The following GNAS variants were observed in gnomAD, a reference collection of about 807,000 sequenced individuals.
GNAS encodes the protein GNAS complex locus.
In GNAS, 8 loss-of-function variants were observed where a neutral mutation model predicts 54.5. The ratio of observed to expected loss-of-function variants is 0.15; its 90% confidence interval spans 0.09 to 0.26. The LOEUF (loss-of-function observed/expected upper bound fraction) is 0.26. GNAS is among the 10% of genes least tolerant of loss of function. The pLI is 1.00. For synonymous variants in GNAS, 204 were observed against 191.4 expected (o/e 1.07, Z -0.54); for missense variants, 170 against 529.8 (o/e 0.32, Z 6.67).
At chr20:58,900,166 T>C (rs2090477208) in intron 3 of GNAS, 1 of 581,910 alleles carries the variant, frequency 1.7e-6, no homozygotes, top group African/African-American at 1.9e-5. Flanking sequence ...AGAAATGTAG[T>C]ATGACAACTA....
At position 58,849,354 on chromosome 20, in the gene GNAS, G is replaced by A. The variant is rs113406216; in HGVS notation, c.43+8468G>A. On this transcript the variant is annotated intron_variant, in intron 1 of 12. Transcript: ENST00000306090. ...TTCTGAGTCCTCCCTACTCACTCCTGGACTGTCTCCCTTTTTCCTGTCCAG... is the reference window on the plus strand; with the variant it reads ...TTCTGAGTCCTCCCTACTCACTCCTAGACTGTCTCCCTTTTTCCTGTCCAG... 2.4e-3 allele frequency among the ~76,000 whole-genome samples: 366 copies of A among 152,164 alleles called. 1 individual carries two copies. Among genetic ancestry groups the A allele is most frequent in the African/African-American group, 8.2e-3 (339 of 41,506 alleles).
At chr20:58,850,069 C>T (rs1034809786) in intron 1 of GNAS, among the ~76,000 whole-genome samples, 1 of 152,200 alleles carries the variant, frequency 6.6e-6, no homozygotes, top group Non-Finnish European at 1.5e-5. Context: ...TACCCAGCCA[C>T]GCCCCATGTT....
At chr20:58,855,687 C>T (rs55850843) in intron 1 of GNAS, 14,246 of 676,354 alleles carry the variant, frequency 0.021, 238 homozygotes, top group Admixed American at 0.023. Flanking sequence ...GGCCCCGGGA[C>T]TCCCCTGGCT....
Position 58,903,584 on chromosome 20 carries a change from A to C in GNAS, c.311A>C (p.Glu104Ala), listed in dbSNP as rs773368433. 6.2e-7 allele frequency: 1 copy of C among 1,614,142 alleles called. No individual in the cohort carries two copies. The highest frequency in any genetic ancestry group is 1.1e-5 in the South Asian group (1 of 91,084). The change falls in exon 4 of 13, where the codon GAA becomes GCA. Residue 104 changes from glutamate (E) to alanine (A), a missense_variant and splice_region_variant. By Grantham distance (107) the Glu-to-Ala change is moderately radical (BLOSUM62 -1). Coordinates refer to ENST00000371085, the MANE Select transcript of GNAS (RefSeq NM_000516.7). The part of the protein sequence containing the change: ...DIKNNLKEAI[E>A]TIVAAMSNLV... ...AAAAACAACCTGAAAGAGGCGATTG[A>C]AGTACGTGCTGGCTCCTTGTGCTGT... is the stretch of plus-strand genomic sequence containing the variant.
chr20:58,905,552 C>G (rs6064721), intron 6 of GNAS, 72 bp downstream of exon 6: 2 of 886,568 alleles, frequency 2.3e-6, no homozygotes, highest in Admixed American at 3.4e-5. Context: ...ACCTGTGATC[C>G]TGCTTTGAAA....
chr20:58,855,514 T>A, intron 1 of GNAS: 3 of 730,834 alleles, frequency 4.1e-6, no homozygotes, highest in Non-Finnish European at 7.5e-6. Context: ...CGGGAGGGGA[T>A]CTTTGGTGGA....
chr20:58,879,567 G>A (rs2088081972), intron 1 of GNAS, among the ~76,000 whole-genome samples: 1 of 152,158 alleles, frequency 6.6e-6, no homozygotes, highest in Non-Finnish European at 1.5e-5. Flanking sequence ...GAGAGGATCA[G>A]CTCAGCCAAC....
chr20:58,853,115 C>A lies in GNAS; in HGVS notation c.43+12229C>A. 1 of 1,426,480 alleles carries A rather than the reference C, an allele frequency of 7.0e-7. No homozygotes were observed. Among genetic ancestry groups the A allele is most frequent in the African/African-American group, 1.4e-5 (1 of 69,610 alleles). The allele number at this position is 1,426,480 out of a possible 1,614,324, so 88.4% of individuals were successfully genotyped here. A position where few individuals can be genotyped will look rare whatever the true frequency, so the allele number is the denominator to read the frequency against. ...GGGTTCCTTCCAGGCCTTGAACCCCCCAACCTCACAAGGGTTGGAAAGTGA... is the reference window on the plus strand; with the variant it reads ...GGGTTCCTTCCAGGCCTTGAACCCCACAACCTCACAAGGGTTGGAAAGTGA... On this transcript the variant is annotated intron_variant, in intron 1 of 12. Coordinates refer to the GNAS transcript ENST00000306090. The surrounding 1 kb of genome is among the most constrained non-coding windows in gnomAD (Gnocchi z 4.4).
Position 58,909,621 on chromosome 20 carries a change from C to T in GNAS, c.718+42C>T, listed in dbSNP as rs912894187. ...TTGGCTGTTCGTAAAGAACGCTTTG[C>T]TTCTGTGTTGTTAGGGATCAGGGTC... On this transcript the variant is annotated intron_variant, in intron 9 of 12. Coordinates refer to ENST00000371085, the MANE Select transcript of GNAS (RefSeq NM_000516.7). This position sits in a 1 kb window ranked among gnomAD's most constrained non-coding sequence, Gnocchi z 7.3. The T allele has an allele frequency of 5.6e-6, 9 of 1,614,010 alleles. No individual in the cohort carries two copies. Among genetic ancestry groups the T allele is most frequent in the Non-Finnish European group, 7.6e-6 (9 of 1,179,888 alleles).
At chr20:58,842,582 G>T in intron 1 of GNAS, 1 of 398,568 alleles carries the variant, frequency 2.5e-6, no homozygotes, top group Non-Finnish European at 4.4e-6. Flanking sequence ...TTTGCAAGTG[G>T]TTTTCTGCGA....
rs1477680759 is a variant in GNAS, at chr20:58,910,524, TC to T, written c.1038+125del. On this transcript the variant is annotated intron_variant, in intron 12 of 12. Coordinates refer to ENST00000371085, the MANE Select transcript of GNAS (RefSeq NM_000516.7). This position sits in a 1 kb window ranked among gnomAD's most constrained non-coding sequence, Gnocchi z 5.8. ...GTTCCATGGTTTTAGTTCACGCACA[TC>T]CAGTGTGGATTTGAGCTCTTTGCGC... The T allele has an allele frequency of 3.5e-6, 4 of 1,135,118 alleles. No individual in the cohort carries two copies. The highest frequency in any genetic ancestry group is 5.3e-6 in the Non-Finnish European group (4 of 753,956). The allele number at this position is 1,135,118 out of a possible 1,614,324, so 70.3% of individuals were successfully genotyped here.
intron 1 of GNAS, among the ~76,000 whole-genome samples, chr20:58,845,286 A>T (rs769104902): frequency 2.0e-5 from 3 of 152,224 alleles, no homozygotes; most frequent in Non-Finnish European, 4.4e-5. Context: ...TAGAAGCTAC[A>T]GCTATTTGAG....
upstream of GNAS, among the ~76,000 whole-genome samples, chr20:58,887,364 T>G (rs74338736): frequency 0.052 from 7,929 of 152,294 alleles, 294 homozygotes; most frequent in African/African-American, 0.099. Context: ...TGACAATCAA[T>G]CAAATTCAGC....
At chr20:58,903,201 C>A in intron 3 of GNAS, 2 of 431,622 alleles carry the variant, frequency 4.6e-6, no homozygotes, top group Non-Finnish European at 8.6e-6. Flanking sequence ...TTGATAGGAC[C>A]AGGAGAAGCC....
At chr20:58,865,310 C>G (rs1014041687) in intron 1 of GNAS, among the ~76,000 whole-genome samples, 19 of 151,188 alleles carry the variant, frequency 1.3e-4, no homozygotes, top group African/African-American at 4.6e-4. Context: ...CCCAGCTACT[C>G]AGGAGGCTGA....
intron 3 of GNAS, among the ~76,000 whole-genome samples, chr20:58,901,847 C>G (rs1347296840): frequency 2.5e-5 from 3 of 120,830 alleles, no homozygotes; most frequent in Non-Finnish European, 5.0e-5. Context: ...CCCCGCCCCC[C>G]ACCCCTGCTG....
intron 1 of GNAS, among the ~76,000 whole-genome samples, chr20:58,874,688 T>TTAGCTCCTGGCCTGCCCTCC (rs2087687617): frequency 1.4e-5 from 2 of 145,938 alleles, no homozygotes; most frequent in African/African-American, 5.3e-5. Context: ...GCCTGCCTTC[T>TTAGCTCCTGGCCTGCCCTCC]ATCTTTGCTC....
At chr20:58,898,588 C>T (rs1252430283) in intron 2 of GNAS, 2 of 357,948 alleles carry the variant, frequency 5.6e-6, no homozygotes, top group Non-Finnish European at 1.0e-5. Context: ...CTGCCATATT[C>T]TCCAAAGAAT....
At chr20:58,902,966 C>T in intron 3 of GNAS, 1 of 198,194 alleles carries the variant, frequency 5.0e-6, no homozygotes. Context: ...CAACTCCTGA[C>T]CTCAGGCAGT....
Sources: allele counts gnomAD v4.1 joint callset (sites outside exome capture counted in the v4.1 genomes callset), GRCh38; gene constraint gnomAD v4.1.1; non-coding constraint Gnocchi (gnomAD v3.1); transcripts MANE v1.5; gene names NCBI Gene and HGNC (gene_info 2026-07-23, HGNC 2026-07-21).